Variants in STK3 observed in about 807,000 individuals in gnomAD.
STK3 encodes the protein serine/threonine kinase 3.
Under a neutral mutation model 58.0 loss-of-function variants are expected in STK3, and 41 were observed. The observed-to-expected ratio is 0.71, with a 90% CI of 0.55 to 0.92. The LOEUF (loss-of-function observed/expected upper bound fraction) is 0.92, where lower values mean the gene tolerates loss of function less well. Ranked by LOEUF, STK3 falls within the 40% of genes least tolerant of loss-of-function variation. The pLI is 0.00. For synonymous variants in STK3, 170 were observed against 191.0 expected, an observed-to-expected ratio of 0.89 and a Z score of 0.91; for missense variants, 479 against 602.7, an observed-to-expected ratio of 0.79 and a Z score of 2.15.
intron 3 of STK3, among the ~76,000 whole-genome samples, chr8:98,425,244 T>C (rs1818217440): frequency 6.6e-6 from 1 of 152,182 alleles, no homozygotes; most frequent in Admixed American, 6.5e-5. Context: ...AGATAGAGGC[T>C]GCTGTCCACA....
At position 98,522,980 on chromosome 8, in the gene STK3, T is replaced by C. The variant is rs181198739; in HGVS notation, c.1317+3762A>G. Among the ~76,000 whole-genome samples, 534 of 152,316 alleles carry C rather than the reference T, an allele frequency of 3.5e-3. 2 individuals are homozygous for C. The highest frequency in any genetic ancestry group is 5.0e-3 in the Non-Finnish European group (343 of 68,020). On this transcript the variant is annotated intron_variant, in intron 10 of 10. Coordinates refer to ENST00000419617, the MANE Select transcript of STK3 (RefSeq NM_006281.4). ...TTGGGTTGCTTCTACCTTTTTGTCA[T>C]TGTGAATAATGCTGCCATGAAAAAG...
Position 98,428,022 on chromosome 8 carries a change from G to C in STK3, n.483+6105C>G, listed in dbSNP as rs1186787704. ...GTGGGACGTGTCGGAGGCTAACGTC[G>C]AGGACGGGGAGATCCGCATCAATGT... is the stretch of plus-strand genomic sequence containing the variant. On this transcript the variant is annotated intron_variant and non_coding_transcript_variant, in intron 3 of 3. Transcript: ENST00000517832. The surrounding 1 kb of genome is among the most constrained non-coding windows in gnomAD (Gnocchi z 6.7). 1.2e-6 allele frequency: 2 copies of C among 1,600,048 alleles called. No individual in the cohort carries two copies.
intron 3 of STK3, among the ~76,000 whole-genome samples, chr8:98,404,819 C>A (rs1398941226): frequency 6.6e-6 from 1 of 152,086 alleles, no homozygotes; most frequent in Non-Finnish European, 1.5e-5. Flanking sequence ...CCACTGTACT[C>A]CAGCCTGGGC....
chr8:98,641,457 C>T (rs1256022991), intron 6 of STK3, among the ~76,000 whole-genome samples: 1 of 152,138 alleles, frequency 6.6e-6, no homozygotes, highest in East Asian at 1.9e-4. Context: ...TTATCTTTGG[C>T]ATACAGGATT....
intron 1 of STK3, among the ~76,000 whole-genome samples, chr8:98,930,981 T>G (rs1370926435): frequency 1.3e-5 from 2 of 152,218 alleles, no homozygotes; most frequent in African/African-American, 4.8e-5. Flanking sequence ...CTGTACTTCA[T>G]TTCTCAACAC....
chr8:98,736,837 A>G (rs1828635485), intron 4 of STK3, among the ~76,000 whole-genome samples: 1 of 152,196 alleles, frequency 6.6e-6, no homozygotes, highest in Non-Finnish European at 1.5e-5. Context: ...CTATATATAA[A>G]TATGTACAAA....
chr8:98,816,914 G>C (rs955189371), intron 1 of STK3, among the ~76,000 whole-genome samples: 4 of 152,148 alleles, frequency 2.6e-5, no homozygotes, highest in African/African-American at 9.7e-5. Flanking sequence ...CACAAGTCAG[G>C]AAAATGATTA....
chr8:98,822,895 G>GC (rs1491527921), intron 1 of STK3, among the ~76,000 whole-genome samples: 1 of 152,228 alleles, frequency 6.6e-6, no homozygotes, highest in Non-Finnish European at 1.5e-5. Flanking sequence ...GGGCGTGGTG[G>GC]CGCCCGCCTG....
At chr8:98,695,891 T>C (rs1005236926) in intron 6 of STK3, among the ~76,000 whole-genome samples, 7 of 152,192 alleles carry the variant, frequency 4.6e-5, no homozygotes, top group African/African-American at 1.4e-4. Context: ...TTTTTTCCAA[T>C]TCTGTGAAGA....
intron 3 of STK3, among the ~76,000 whole-genome samples, chr8:98,855,811 A>T (rs1836646845): frequency 6.6e-6 from 1 of 152,110 alleles, no homozygotes; most frequent in East Asian, 1.9e-4. Context: ...ATTTGAGATC[A>T]GGAGTCTGAG....
chr8:98,727,793 A>G (rs1012681874), intron 4 of STK3, among the ~76,000 whole-genome samples: 2 of 152,134 alleles, frequency 1.3e-5, no homozygotes, highest in African/African-American at 2.4e-5. Flanking sequence ...CACCTCCCCT[A>G]GCTAGTTTGT....
intron 4 of STK3, among the ~76,000 whole-genome samples, chr8:98,717,588 G>A (rs1161035701): frequency 1.3e-5 from 2 of 152,170 alleles, no homozygotes; most frequent in African/African-American, 4.8e-5. Flanking sequence ...AAATGGTACA[G>A]CCTCTGTGGA....
At chr8:98,411,503 G>A (rs911956385) in intron 3 of STK3, among the ~76,000 whole-genome samples, 1 of 152,196 alleles carries the variant, frequency 6.6e-6, no homozygotes, top group African/African-American at 2.4e-5. Context: ...ATTTAAGGCG[G>A]TGGGGTCTGG....
chr8:98,729,849 G>A (rs1828045798), intron 4 of STK3, among the ~76,000 whole-genome samples: 1 of 152,208 alleles, frequency 6.6e-6, no homozygotes, highest in African/African-American at 2.4e-5. Flanking sequence ...AATCCTGGCA[G>A]TCTGGCTCCA....
At chr8:98,436,895 G>A (rs753301759) in intron 2 of STK3, 2 of 152,290 alleles carry the variant, frequency 1.3e-5, no homozygotes. Flanking sequence ...ACCGGACCAG[G>A]TGTCACCCAC....
intron 3 of STK3, among the ~76,000 whole-genome samples, chr8:98,840,997 C>A (rs377311487): frequency 6.8e-4 from 104 of 152,316 alleles, no homozygotes; most frequent in African/African-American, 2.2e-3. Context: ...CTGTTCCTTA[C>A]TACCAGTTGG....
intron 1 of STK3, among the ~76,000 whole-genome samples, chr8:98,779,120 G>T (rs1031237862): frequency 4.6e-5 from 7 of 151,908 alleles, no homozygotes; most frequent in African/African-American, 1.7e-4. Flanking sequence ...CCCCTCAGCT[G>T]CTTCTGATGT....
chr8:98,678,075 A>G (rs1374524812), intron 6 of STK3, among the ~76,000 whole-genome samples: 1 of 152,228 alleles, frequency 6.6e-6, no homozygotes, highest in African/African-American at 2.4e-5. Context: ...TACTGATAGA[A>G]GGAAGTATCT....
intron 6 of STK3, among the ~76,000 whole-genome samples, chr8:98,670,369 G>GA (rs1410797104): frequency 1.3e-5 from 2 of 151,138 alleles, no homozygotes; most frequent in African/African-American, 2.4e-5. Flanking sequence ...CTCAAAAAAA[G>GA]AAAAAAAATG....
Sources: gnomAD v4.1 joint callset for allele counts (sites outside exome capture counted in the v4.1 genomes callset) on GRCh38, gnomAD v4.1.1 for gene constraint, Gnocchi (gnomAD v3.1) non-coding constraint, MANE v1.5 for transcripts, NCBI Gene and HGNC (gene_info 2026-07-23, HGNC 2026-07-21) for gene names.